CLTC: variants seen among roughly 807,000 people sequenced by gnomAD.
The protein encoded by CLTC is clathrin heavy chain 1.
Under a neutral mutation model 195.8 loss-of-function variants are expected in CLTC, and 16 were observed. That is an observed-to-expected ratio of 0.08 (90% CI 0.06 to 0.12). The LOEUF (loss-of-function observed/expected upper bound fraction) is 0.12, where lower values mean the gene tolerates loss of function less well. Ranked by LOEUF, CLTC falls within the 10% of genes least tolerant of loss-of-function variation. The pLI, the probability that CLTC is intolerant of heterozygous loss-of-function variation, is 1.00. For missense variants in CLTC, 796 were observed against 2,027.0 expected, an observed-to-expected ratio of 0.39 and a Z score of 11.66; for synonymous variants, 667 against 689.4, an observed-to-expected ratio of 0.97 and a Z score of 0.51.
chr17:59,660,702 A>G (rs552142144), intron 7 of CLTC, 114 bp downstream of exon 7: 1 of 1,030,938 alleles, frequency 9.7e-7, no homozygotes, highest in Admixed American at 2.2e-5. Context: ...TTTAGATTAC[A>G]TTTGGGTTAC....
intron 1 of CLTC, among the ~76,000 whole-genome samples, chr17:59,633,698 G>T (rs1306689111): frequency 2.0e-5 from 3 of 152,112 alleles, no homozygotes; most frequent in South Asian, 2.1e-4. Context: ...TAGTGATGGG[G>T]TTGACAGAAT....
At chr17:59,684,824 TC>T (rs2033148502) in intron 28 of CLTC, among the ~76,000 whole-genome samples, 1 of 91,282 alleles carries the variant, frequency 1.1e-5, no homozygotes, top group Non-Finnish European at 2.4e-5. Flanking sequence ...AAGAAAAAAA[TC>T]TTGCCCTCCA....
At chr17:59,674,656 C>G in intron 15 of CLTC, 45 bp from the exon 16 acceptor site, 1 of 1,520,886 alleles carries the variant, frequency 6.6e-7, no homozygotes, top group East Asian at 2.4e-5. Context: ...TTCCTCTTTG[C>G]TTTTAATAAC....
chr17:59,653,778 C>CTT (rs562385929), intron 5 of CLTC, among the ~76,000 whole-genome samples: 4 of 142,914 alleles, frequency 2.8e-5, no homozygotes, highest in Admixed American at 7.0e-5. Flanking sequence ...CCTGGCTGGT[C>CTT]TTTTTTTTTT....
intron 30 of CLTC, chr17:59,690,093 C>T (rs1216310897): frequency 6.6e-6 from 1 of 152,180 alleles, no homozygotes; most frequent in African/African-American, 2.4e-5. Flanking sequence ...AACATGCAGC[C>T]TTTCTTTATG....
chr17:59,654,751 G>T (rs1447355481), intron 5 of CLTC, among the ~76,000 whole-genome samples: 1 of 152,206 alleles, frequency 6.6e-6, no homozygotes, highest in East Asian at 1.9e-4. Context: ...AAAGTGCTAG[G>T]ATTACAGGCA....
chr17:59,668,290 A>G (rs1449601597), intron 13 of CLTC, among the ~76,000 whole-genome samples: 2 of 152,248 alleles, frequency 1.3e-5, no homozygotes, highest in African/African-American at 4.8e-5. Flanking sequence ...ACAATGGTGT[A>G]TGCCTTTAAT....
chr17:59,691,320 G>A (rs539513905), intron 31 of CLTC, among the ~76,000 whole-genome samples: 1 of 152,072 alleles, frequency 6.6e-6, no homozygotes, highest in African/African-American at 2.4e-5. Context: ...CCAGGTGAGG[G>A]AACATAAAAA....
rs553327383 is a variant in CLTC, at chr17:59,682,359, G to A, written c.3531G>A (p.Leu1177=). The A allele has an allele frequency of 3.1e-6, 5 of 1,614,114 alleles. No individual in the cohort carries two copies. The South Asian group carries it at 4.4e-5, about 14-fold the overall frequency. ...SYVETELIFA[L]AKTNRLAELE... The stretch of plus-strand genomic sequence containing the variant: ...TGGAGACAGAACTGATATTCGCACT[G>A]GCTAAAACAAACCGCCTTGCAGAGT... Residue 1177 remains leucine, a synonymous_variant, in exon 22 of 32, where the codon CTG becomes CTA. Coordinates refer to ENST00000269122, the MANE Select transcript of CLTC (RefSeq NM_004859.4). This position sits in a 1 kb window ranked among gnomAD's most constrained non-coding sequence, Gnocchi z 6.8.
rs148395519 is a variant in CLTC at position 59,677,188 on chromosome 17, T to C, written c.2796T>C (p.Asn932=). ...ERGQCDLELI[N]VCNENSLFKS... The stretch of plus-strand genomic sequence containing the variant: ...GCCAATGTGATCTGGAACTTATTAA[T>C]GTGAGTACTGCTAGCTGAATATGTA... Residue 932 remains asparagine, a splice_region_variant and synonymous_variant, in exon 17 of 32, where the codon AAT becomes AAC. Coordinates refer to ENST00000269122, the MANE Select transcript of CLTC (RefSeq NM_004859.4). 68 of 1,602,492 alleles carry C rather than the reference T, an allele frequency of 4.2e-5. No individual in the cohort carries two copies. In the Middle Eastern group the frequency reaches 8.3e-4, roughly 19 times the overall value.
chr17:59,641,624 A>T (rs949601261), intron 1 of CLTC, among the ~76,000 whole-genome samples: 11 of 151,262 alleles, frequency 7.3e-5, no homozygotes, highest in African/African-American at 2.7e-4. Flanking sequence ...AAAAAAAAAA[A>T]AAAGAGTTTG....
At chr17:59,657,057 G>T (rs1357196696) in intron 6 of CLTC, among the ~76,000 whole-genome samples, 1 of 152,112 alleles carries the variant, frequency 6.6e-6, no homozygotes, top group Non-Finnish European at 1.5e-5. Flanking sequence ...ACTGTTACTG[G>T]TCTTGCCTTT....
intron 1 of CLTC, among the ~76,000 whole-genome samples, chr17:59,622,217 A>C (rs561545781): frequency 6.6e-6 from 1 of 152,292 alleles, no homozygotes; most frequent in African/African-American, 2.4e-5. Context: ...CAAATTGAAA[A>C]ATTCAGTCCT....
At chr17:59,669,010 AG>A (rs2032789343) in intron 14 of CLTC, 70 bp downstream of exon 14, 1 of 1,389,284 alleles carries the variant, frequency 7.2e-7, no homozygotes, top group Non-Finnish European at 9.6e-7. Flanking sequence ...GTTTGGTCAT[AG>A]TTCAAAAATA....
At chr17:59,622,434 G>A (rs1449670496) in intron 1 of CLTC, among the ~76,000 whole-genome samples, 1 of 152,096 alleles carries the variant, frequency 6.6e-6, no homozygotes, top group Non-Finnish European at 1.5e-5. Flanking sequence ...CTGGAGGTCA[G>A]TGGCACCATC....
intron 15 of CLTC, among the ~76,000 whole-genome samples, chr17:59,674,132 C>T (rs75566316): frequency 0.036 from 5,503 of 151,386 alleles, 334 homozygotes; most frequent in African/African-American, 0.13. Context: ...CCTAGCAAGC[C>T]GACTCAGGGA....
rs144831934 is a variant in CLTC at position 59,656,076 on chromosome 17, T to C, written c.969+49T>C. 1,327 of 1,500,098 alleles carry C rather than the reference T, an allele frequency of 8.8e-4. 17 individuals carry two copies. In the African/African-American group the frequency reaches 0.017, roughly 20 times the overall value. 92.9% of individuals were successfully genotyped at this position (1,500,098 alleles called of 1,614,324 possible). Reference sequence around the variant, plus strand: ...CAATAAAATAAGATAACCTGATGAGTTGGGAACAATCCTGTCCTTTTGAGA... The same window carrying C: ...CAATAAAATAAGATAACCTGATGAGCTGGGAACAATCCTGTCCTTTTGAGA... On this transcript the variant is annotated intron_variant, in intron 6 of 31. Coordinates refer to ENST00000269122, the MANE Select transcript of CLTC (RefSeq NM_004859.4).
chr17:59,627,896 T>C (rs886251205), intron 1 of CLTC, among the ~76,000 whole-genome samples: 1 of 152,230 alleles, frequency 6.6e-6, no homozygotes, highest in Non-Finnish European at 1.5e-5. Context: ...TTACTGTAAA[T>C]TCATGTTTTT....
chr17:59,668,065 C>T (rs1347442506), intron 13 of CLTC, among the ~76,000 whole-genome samples: 1 of 152,170 alleles, frequency 6.6e-6, no homozygotes, highest in Admixed American at 6.5e-5. Context: ...TTTAGTTATT[C>T]AGTCACTCTA....
Sources: gnomAD v4.1 joint callset for allele counts (sites outside exome capture counted in the v4.1 genomes callset) on GRCh38, gnomAD v4.1.1 for gene constraint, Gnocchi (gnomAD v3.1) non-coding constraint, MANE v1.5 for transcripts, NCBI Gene and HGNC (gene_info 2026-07-23, HGNC 2026-07-21) for gene names.